Variants in CLEC6A observed in about 807,000 individuals in gnomAD.
The protein encoded by CLEC6A is C-type lectin domain family 6 member A.
CLEC6A carries 22 observed loss-of-function variants against 25.7 expected under a neutral mutation model. The ratio of observed to expected loss-of-function variants is 0.85; its 90% CI spans 0.61 to 1.22. CLEC6A has a LOEUF of 1.22. CLEC6A is among the 50% of genes most tolerant of loss of function. The pLI, the probability that CLEC6A is intolerant of heterozygous loss-of-function variation, is 0.00. For missense variants in CLEC6A, 240 were observed against 236.8 expected, an observed-to-expected ratio of 1.01 and a Z score of -0.09; for synonymous variants, 92 against 76.7, an observed-to-expected ratio of 1.20 and a Z score of -1.04.
intron 4 of CLEC6A, among the ~76,000 whole-genome samples, chr12:8,475,423 C>T (rs1222524769): frequency 6.6e-6 from 1 of 151,874 alleles, no homozygotes; most frequent in Non-Finnish European, 1.5e-5. Context: ...AATAGGCTCA[C>T]ATGATTACGT....
intron 4 of CLEC6A, among the ~76,000 whole-genome samples, chr12:8,468,159 T>C (rs569358259): frequency 2.0e-5 from 3 of 152,164 alleles, no homozygotes; most frequent in African/African-American, 4.8e-5. Flanking sequence ...GCCAGGCTGG[T>C]CTTGAACTCC....
rs1470436114 is a variant in CLEC6A, at chr12:8,473,089, G to A, written c.370-3036G>A. Among the ~76,000 whole-genome samples the A allele has an allele frequency of 3.8e-4, 3 of 7,796 alleles. 1 individual carries two copies. The highest frequency in any genetic ancestry group is 1.1e-3 in the Non-Finnish European group (3 of 2,816). The allele number at this position is 7,796 out of a possible 152,430, so 5.1% of individuals were successfully genotyped here. ...CGACTCACTGCAAGCTCCGCCTCCCGGGTTCACGCCATTCTCCTGCCTCAG... is the reference window on the plus strand; with the variant it reads ...CGACTCACTGCAAGCTCCGCCTCCCAGGTTCACGCCATTCTCCTGCCTCAG... On this transcript the variant is annotated intron_variant, in intron 4 of 5. Transcript: ENST00000382073.
At chr12:8,460,551 T>C (rs1939739359) in intron 3 of CLEC6A, 2 of 795,868 alleles carry the variant, frequency 2.5e-6, no homozygotes, top group Admixed American at 2.1e-5. Context: ...AACCAAACCA[T>C]ATCAGTCAGC....
At chr12:8,473,795 T>C (rs1939937303) in intron 4 of CLEC6A, among the ~76,000 whole-genome samples, 1 of 152,206 alleles carries the variant, frequency 6.6e-6, no homozygotes, top group Admixed American at 6.6e-5. Flanking sequence ...TGGTATCTCA[T>C]TGTGCTTTTT....
chr12:8,460,837 C>G, intron 3 of CLEC6A: 2 of 1,001,484 alleles, frequency 2.0e-6, no homozygotes, highest in Admixed American at 1.7e-5. Flanking sequence ...CCAAAAACGC[C>G]CAGTTCCTAA....
chr12:8,463,214 G>A (rs1939787498), intron 3 of CLEC6A, among the ~76,000 whole-genome samples: 3 of 152,188 alleles, frequency 2.0e-5, no homozygotes, highest in Non-Finnish European at 2.9e-5. Context: ...ATTAGGCTTC[G>A]AGTGGTATAA....
intron 3 of CLEC6A, among the ~76,000 whole-genome samples, chr12:8,462,685 T>G (rs995736137): frequency 6.6e-6 from 1 of 151,902 alleles, no homozygotes; most frequent in Non-Finnish European, 1.5e-5. Flanking sequence ...CTTATGACCC[T>G]GCCACATCCC....
At chr12:8,469,114 C>A (rs1253301742) in intron 4 of CLEC6A, among the ~76,000 whole-genome samples, 1 of 152,058 alleles carries the variant, frequency 6.6e-6, no homozygotes, top group Non-Finnish European at 1.5e-5. Context: ...TTAATGTACA[C>A]AAATCAGTAG....
intron 5 of CLEC6A, among the ~76,000 whole-genome samples, chr12:8,476,931 T>A (rs1168316554): frequency 6.6e-6 from 1 of 152,066 alleles, no homozygotes; most frequent in Non-Finnish European, 1.5e-5. Flanking sequence ...AAGATTCACT[T>A]AAGGCAGATC....
intron 4 of CLEC6A, among the ~76,000 whole-genome samples, chr12:8,466,843 T>TG (rs34099367): frequency 0.77 from 117,309 of 151,764 alleles, 45,807 homozygotes; most frequent in East Asian, 0.99. Flanking sequence ...TTAGTAAAGA[T>TG]GGGTTTCACC....
chr12:8,457,843 AT>A (rs1555116069), intron 1 of CLEC6A, 54 bp from the exon 2 acceptor site: 1 of 1,295,042 alleles, frequency 7.7e-7, no homozygotes. Context: ...CTTCCTGGGG[AT>A]TTTGGCTCCC....
intron 3 of CLEC6A, 23 bp downstream of exon 3, chr12:8,459,721 T>G: frequency 2.0e-6 from 3 of 1,465,664 alleles, no homozygotes; most frequent in Non-Finnish European, 2.9e-6. Flanking sequence ...AATACTGAAA[T>G]AGACTTTCTT....
At chr12:8,471,665 T>C (rs1939908629) in intron 4 of CLEC6A, among the ~76,000 whole-genome samples, 2 of 152,112 alleles carry the variant, frequency 1.3e-5, no homozygotes, top group African/African-American at 2.4e-5. Context: ...TGAATCTTCT[T>C]TCCTTTTTCT....
intron 4 of CLEC6A, among the ~76,000 whole-genome samples, chr12:8,470,250 G>A (rs1352349763): frequency 6.6e-6 from 1 of 152,094 alleles, no homozygotes; most frequent in East Asian, 1.9e-4. Flanking sequence ...CCTTACTCCT[G>A]CAAGAATGGC....
Position 8,477,320 on chromosome 12 carries a change from AT to A in CLEC6A, c.490del (p.Trp164GlyfsTer3). The A allele has an allele frequency of 6.2e-7, 1 of 1,602,636 alleles. No homozygotes were observed. The highest frequency in any genetic ancestry group is 1.7e-5 in the Admixed American group (1 of 57,218). On this transcript the variant is annotated frameshift_variant and splice_region_variant, in exon 6 of 6. Transcript: ENST00000382073. LOFTEE classifies it low-confidence loss of function (END_TRUNC). ...DKTPYEKNVR[F>X]WHLGEPNHSA... is the part of the protein sequence containing the mutation. ...GTACTACCTTTTTGTTTTCCTTTAG[AT>A]TTTGGCACCTAGGTGAGCCCAATCA... is the stretch of plus-strand genomic sequence containing the variant.
rs1939739658 is a variant in CLEC6A at position 8,460,594 on chromosome 12, G to A, written c.223+896G>A. The A allele has an allele frequency of 7.9e-6, 9 of 1,132,504 alleles. 1 individual carries two copies. The South Asian group carries it at 1.1e-4, about 14-fold the overall frequency. 70.2% of individuals were successfully genotyped at this position (1,132,504 alleles called of 1,614,324 possible). On this transcript the variant is annotated intron_variant, in intron 3 of 5. Transcript: ENST00000382073. ...AAAAGGGGAAGAGCCTTTCTGTCTG[G>A]CGGAAGCCATCACATAAGTCAAGAT...
chr12:8,458,667 C>G (rs1292821906), intron 2 of CLEC6A, among the ~76,000 whole-genome samples: 2 of 152,088 alleles, frequency 1.3e-5, no homozygotes. Flanking sequence ...AAATAAATCT[C>G]ACAATATTTA....
chr12:8,476,226 T>A lies in CLEC6A; in HGVS notation c.471T>A (p.Tyr157Ter). 1 of 1,586,710 alleles carries A rather than the reference T, an allele frequency of 6.3e-7. No individual in the cohort carries two copies. The highest frequency in any genetic ancestry group is 8.6e-7 in the Non-Finnish European group (1 of 1,162,220). Reference protein sequence around the residue: ...NNWQWIDKTPYEKNVRFWHLG... With the variant: ...NNWQWIDKTP ...GGCAATGGATTGATAAGACACCTTA[T>A]GAGAAAAATGTCAGGTGAGTGCAGT... Residue 157 changes from tyrosine to a stop codon, truncating the protein, a stop_gained, in exon 5 of 6, where the codon TAT becomes TAA. Transcript: ENST00000382073. LOFTEE classifies it low-confidence loss of function (END_TRUNC).
intron 1 of CLEC6A, 29 bp from the exon 2 acceptor site, chr12:8,457,869 C>G: frequency 2.5e-6 from 4 of 1,571,364 alleles, no homozygotes; most frequent in Non-Finnish European, 3.5e-6. Flanking sequence ...CCCCTGGTAA[C>G]TGCATTTGTT....
Sources: allele counts gnomAD v4.1 joint callset (sites outside exome capture counted in the v4.1 genomes callset), GRCh38; gene constraint gnomAD v4.1.1; transcripts MANE v1.5; gene names NCBI Gene and HGNC (gene_info 2026-07-23, HGNC 2026-07-21).